IL23R: variants seen among roughly 807,000 people sequenced by gnomAD.
IL23R encodes interleukin-23 receptor.
A neutral mutation model predicts 56.9 loss-of-function variants in IL23R; 34 were observed. The observed-to-expected ratio is 0.60, with a 90% CI of 0.45 to 0.80. The LOEUF (loss-of-function observed/expected upper bound fraction) is 0.80. IL23R is among the 30% of genes least tolerant of loss of function. IL23R has a pLI of 0.00. For synonymous variants in IL23R, 230 were observed against 249.2 expected, an observed-to-expected ratio of 0.92 and a Z score of 0.73; for missense variants, 635 against 730.0, an observed-to-expected ratio of 0.87 and a Z score of 1.50.
intron 4 of IL23R, among the ~76,000 whole-genome samples, chr1:67,184,568 TAAATAAAATAAAATAAAATAAAATA>T (rs10555527): frequency 4.3e-4 from 62 of 143,008 alleles, no homozygotes; most frequent in African/African-American, 5.4e-4. Context: ...TAAAATAAAA[TAAATAAAATAAAATAAAATAAAATA>T]AAATAAAATA....
chr1:67,194,619 T>C (rs771036187), intron 4 of IL23R, among the ~76,000 whole-genome samples: 2 of 152,226 alleles, frequency 1.3e-5, no homozygotes, highest in African/African-American at 2.4e-5. Flanking sequence ...AATTACTTAG[T>C]AACTATGGTT....
chr1:67,161,906 G>T (rs902875616), upstream of IL23R, among the ~76,000 whole-genome samples: 22 of 151,896 alleles, frequency 1.4e-4, no homozygotes, highest in Admixed American at 6.6e-4. Flanking sequence ...GATTACAGGC[G>T]TGAGCCACCA....
At position 67,161,126 on chromosome 1, in the gene IL23R, T is replaced by C. The variant is rs557460657; in HGVS notation, c.-633-6966T>C. Among the ~76,000 whole-genome samples, 7 of 152,338 alleles carry C rather than the reference T, an allele frequency of 4.6e-5. No individual in the cohort carries two copies. The East Asian group carries it at 1.3e-3, about 29-fold the overall frequency. On this transcript the variant is annotated intron_variant, in intron 1 of 10. Transcript: ENST00000637002. Reference sequence around the variant, plus strand: ...CAGTCACTGAGGCTCTAGGTCAATTTTGAAGCAGACAGAACAAGCGGGAAG... The same window carrying C: ...CAGTCACTGAGGCTCTAGGTCAATTCTGAAGCAGACAGAACAAGCGGGAAG...
intron 1 of IL23R, among the ~76,000 whole-genome samples, chr1:67,145,727 A>T (rs190572634): frequency 6.6e-6 from 1 of 152,348 alleles, no homozygotes; most frequent in Admixed American, 6.5e-5. Context: ...GGAAAACAGG[A>T]TCATTAAAAT....
intron 10 of IL23R, among the ~76,000 whole-genome samples, chr1:67,257,349 G>A (rs1653005313): frequency 6.6e-6 from 1 of 152,136 alleles, no homozygotes; most frequent in African/African-American, 2.4e-5. Context: ...GTGGACAGCT[G>A]CCTTCTCACA....
At chr1:67,227,524 T>G (rs908363150) in intron 7 of IL23R, among the ~76,000 whole-genome samples, 1 of 152,166 alleles carries the variant, frequency 6.6e-6, no homozygotes, top group African/African-American at 2.4e-5. Context: ...GTATTGGTTG[T>G]TGCACTACCA....
At position 67,207,082 on chromosome 1, in the gene IL23R, G is replaced by A. The variant is rs7539625; in HGVS notation, c.798+27G>A. 0.32 allele frequency: 512,117 copies of A among 1,608,758 alleles called. 87,116 individuals carry two copies. The highest frequency in any genetic ancestry group is 0.56 in the South Asian group (50,461 of 90,904). ...TAAGCTCAACTTTCATTATGCTTTA[G>A]CATGTGAATGAATGATTTAAAAGCC... On this transcript the variant is annotated intron_variant, in intron 6 of 10. Transcript: ENST00000347310.
chr1:67,214,349 CTGATGGTA>C (rs1385918693), intron 6 of IL23R, among the ~76,000 whole-genome samples: 25 of 152,290 alleles, frequency 1.6e-4, no homozygotes, highest in African/African-American at 5.1e-4. Context: ...CACTCAGTTA[CTGATGGTA>C]TAAGTTCAAA....
At chr1:67,147,741 T>C (rs1646692682) in intron 1 of IL23R, among the ~76,000 whole-genome samples, 1 of 152,180 alleles carries the variant, frequency 6.6e-6, no homozygotes. Flanking sequence ...ACTAGTTCTC[T>C]CGTACTGCTC....
At chr1:67,235,960 C>T (rs1343630777) in intron 7 of IL23R, among the ~76,000 whole-genome samples, 4 of 152,226 alleles carry the variant, frequency 2.6e-5, no homozygotes, top group African/African-American at 4.8e-5. Context: ...GAAATGTCTT[C>T]TGCCAGTTGG....
chr1:67,259,177 T>C lies in IL23R; in HGVS notation c.*49T>C, dbSNP rs921784129. The C allele has an allele frequency of 6.9e-6, 11 of 1,587,720 alleles. No individual in the cohort carries two copies. The highest frequency in any genetic ancestry group is 9.5e-6 in the Non-Finnish European group (11 of 1,157,682). On this transcript the variant is annotated 3_prime_UTR_variant, in exon 11 of 11. Coordinates refer to ENST00000347310, the MANE Select transcript of IL23R (RefSeq NM_144701.3). The stretch of plus-strand genomic sequence containing the variant: ...GAGAAAGCTGCCTTGCAATCTGAAC[T>C]TGGGTTTTCCCTGCAATAGAAATTG...
intron 4 of IL23R, among the ~76,000 whole-genome samples, chr1:67,194,997 T>G (rs1558237453): frequency 6.6e-6 from 1 of 152,258 alleles, no homozygotes; most frequent in South Asian, 2.1e-4. Context: ...AAGTTTCATT[T>G]GTATTCTTTA....
At chr1:67,141,820 C>T (rs1057023584) in intron 1 of IL23R, among the ~76,000 whole-genome samples, 1 of 151,944 alleles carries the variant, frequency 6.6e-6, no homozygotes, top group African/African-American at 2.4e-5. Flanking sequence ...GGTGCACGGA[C>T]CCAGTCGATT....
At chr1:67,149,648 T>C (rs1489273439) in intron 1 of IL23R, among the ~76,000 whole-genome samples, 3 of 152,194 alleles carry the variant, frequency 2.0e-5, no homozygotes, top group African/African-American at 7.2e-5. Flanking sequence ...CCTCCTCCTT[T>C]GTCTGAACAT....
intron 8 of IL23R, 62 bp downstream of exon 8, chr1:67,236,864 C>T: frequency 9.3e-7 from 1 of 1,077,322 alleles, no homozygotes; most frequent in Non-Finnish European, 1.4e-6. Flanking sequence ...TTTAACCCAT[C>T]ATACTGAAAA....
intron 9 of IL23R, among the ~76,000 whole-genome samples, chr1:67,250,510 G>A (rs1429102305): frequency 6.6e-6 from 1 of 152,094 alleles, no homozygotes; most frequent in Non-Finnish European, 1.5e-5. Context: ...ATTTTCAAAA[G>A]TCAAAGCAGT....
chr1:67,247,899 C>A (rs1570921472), intron 9 of IL23R, among the ~76,000 whole-genome samples: 1 of 152,274 alleles, frequency 6.6e-6, no homozygotes, highest in East Asian at 1.9e-4. Context: ...ATATGAAATT[C>A]TAGGTTGAAA....
intron 1 of IL23R, among the ~76,000 whole-genome samples, chr1:67,157,445 C>T (rs1302311839): frequency 6.6e-6 from 1 of 151,978 alleles, no homozygotes; most frequent in Non-Finnish European, 1.5e-5. Flanking sequence ...TACCCTTCAA[C>T]AGCTTCCCAT....
intron 9 of IL23R, among the ~76,000 whole-genome samples, chr1:67,241,003 G>A (rs186433277): frequency 3.9e-5 from 6 of 152,006 alleles, no homozygotes; most frequent in East Asian, 1.9e-4. Context: ...CTATTGTTAC[G>A]GGCACATACT....
Sources: allele counts gnomAD v4.1 joint callset (sites outside exome capture counted in the v4.1 genomes callset), GRCh38; gene constraint gnomAD v4.1.1; transcripts MANE v1.5; gene names NCBI Gene and HGNC (gene_info 2026-07-23, HGNC 2026-07-21).